The following FAM107B variants were observed in gnomAD, a reference collection of about 807,000 sequenced individuals.
The protein encoded by FAM107B is family with sequence similarity 107 member B.
FAM107B carries 21 observed loss-of-function variants against 31.5 expected under a neutral mutation model. The ratio of observed to expected loss-of-function variants is 0.67; its 90% CI spans 0.47 to 0.96. FAM107B has a LOEUF of 0.96. Ranked by LOEUF, FAM107B falls within the 40% of genes least tolerant of loss-of-function variation. The pLI, the probability that FAM107B is intolerant of heterozygous loss-of-function variation, is 0.00. For missense variants in FAM107B, 452 were observed against 377.1 expected, an observed-to-expected ratio of 1.20 and a Z score of -1.64; for synonymous variants, 157 against 141.5, an observed-to-expected ratio of 1.11 and a Z score of -0.78.
At chr10:14,636,454 C>T (rs552264311) in intron 2 of FAM107B, among the ~76,000 whole-genome samples, 2 of 152,178 alleles carry the variant, frequency 1.3e-5, no homozygotes, top group African/African-American at 2.4e-5. Flanking sequence ...AATAACTCAA[C>T]GTAATGATGT....
chr10:14,570,671 G>A (rs905394166), intron 2 of FAM107B, among the ~76,000 whole-genome samples: 10 of 152,074 alleles, frequency 6.6e-5, no homozygotes, highest in African/African-American at 1.9e-4. Context: ...GCATGGTGGC[G>A]AGTTCCTGTA....
At chr10:14,570,233 GGTGTGTGTGTGTGTGTGT>G (rs57206586) in intron 2 of FAM107B, among the ~76,000 whole-genome samples, 3 of 140,340 alleles carry the variant, frequency 2.1e-5, no homozygotes, top group East Asian at 2.0e-4. Context: ...AAATGTGGTG[GGTGTGTGTGTGTGTGTGT>G]GTGTGTGTGT....
In FAM107B at chr10:14,607,583, C is replaced by T. The variant is rs139492702; in HGVS notation, c.469+60051G>A. Among the ~76,000 whole-genome samples the T allele has an allele frequency of 1.8e-3, 281 of 152,300 alleles. 1 individual carries two copies. Among genetic ancestry groups the T allele is most frequent in the African/African-American group, 6.5e-3 (270 of 41,550 alleles). On this transcript the variant is annotated intron_variant, in intron 2 of 4. Transcript: ENST00000181796. ...TCGTACTTCCCAGGGTTATAACAGG[C>T]AACACCAGACCCTCAGCCCGAGTCT...
intron 1 of FAM107B, among the ~76,000 whole-genome samples, chr10:14,683,738 A>G (rs1183483619): frequency 6.6e-6 from 1 of 152,212 alleles, no homozygotes; most frequent in African/African-American, 2.4e-5. Context: ...ATTTTCCTCT[A>G]CAAGTCCTCT....
chr10:14,647,301 C>T (rs1323262943), intron 2 of FAM107B, among the ~76,000 whole-genome samples: 2 of 152,214 alleles, frequency 1.3e-5, no homozygotes, highest in African/African-American at 4.8e-5. Flanking sequence ...TGTCATTCAT[C>T]ACCACAGTCT....
chr10:14,607,652 G>A (rs1852627900), intron 2 of FAM107B, among the ~76,000 whole-genome samples: 1 of 152,166 alleles, frequency 6.6e-6, no homozygotes, highest in Admixed American at 6.5e-5. Flanking sequence ...CAGGACTCTG[G>A]AAAAAGTCAA....
chr10:14,583,681 C>T (rs1175918782), intron 2 of FAM107B, among the ~76,000 whole-genome samples: 3 of 151,998 alleles, frequency 2.0e-5, no homozygotes, highest in East Asian at 1.9e-4. Context: ...AATCTGGGCA[C>T]GTCCTTGCCA....
chr10:14,690,108 C>T (rs529955291), intron 1 of FAM107B, among the ~76,000 whole-genome samples: 10 of 152,168 alleles, frequency 6.6e-5, no homozygotes, highest in Non-Finnish European at 1.3e-4. Context: ...TGTGACCCAT[C>T]CTTCTCCTCC....
At chr10:14,552,112 T>C (rs138186534) in intron 2 of FAM107B, among the ~76,000 whole-genome samples, 177 of 152,346 alleles carry the variant, frequency 1.2e-3, no homozygotes, top group African/African-American at 4.0e-3. Context: ...GGACGGTCTG[T>C]GTGATCACAT....
At chr10:14,757,057 G>A (rs1832945460) in intron 1 of FAM107B, among the ~76,000 whole-genome samples, 1 of 152,038 alleles carries the variant, frequency 6.6e-6, no homozygotes, top group Admixed American at 6.6e-5. Flanking sequence ...ATGGGTACTA[G>A]GCTTAATACC....
At chr10:14,539,107 C>G (rs1190784614) in intron 2 of FAM107B, among the ~76,000 whole-genome samples, 1 of 152,202 alleles carries the variant, frequency 6.6e-6, no homozygotes, top group Non-Finnish European at 1.5e-5. Flanking sequence ...ACTTAATGTT[C>G]CATCAACATG....
At chr10:14,647,963 A>G (rs1454565498) in intron 2 of FAM107B, among the ~76,000 whole-genome samples, 1 of 151,932 alleles carries the variant, frequency 6.6e-6, no homozygotes, top group Non-Finnish European at 1.5e-5. Context: ...TCTTCTGCGG[A>G]GAAACTGAAA....
At chr10:14,660,721 A>G (rs924397415) in intron 2 of FAM107B, among the ~76,000 whole-genome samples, 8 of 152,348 alleles carry the variant, frequency 5.3e-5, no homozygotes, top group African/African-American at 1.9e-4. Context: ...GCTTATTCTG[A>G]GAGCCATTTG....
chr10:14,690,629 T>C (rs1014112758), intron 1 of FAM107B, among the ~76,000 whole-genome samples: 2 of 152,032 alleles, frequency 1.3e-5, no homozygotes, highest in Non-Finnish European at 1.5e-5. Context: ...ATATTTTGTA[T>C]TTTTAGTAGA....
At chr10:14,667,461 C>G (rs1321832687) in intron 2 of FAM107B, among the ~76,000 whole-genome samples, 173 bp downstream of exon 2, 2 of 152,194 alleles carry the variant, frequency 1.3e-5, no homozygotes, top group African/African-American at 4.8e-5. Flanking sequence ...GCATCACAAC[C>G]AGATTGTCCA....
At chr10:14,648,970 A>G (rs533048093) in intron 2 of FAM107B, among the ~76,000 whole-genome samples, 2 of 152,350 alleles carry the variant, frequency 1.3e-5, no homozygotes, top group African/African-American at 4.8e-5. Context: ...TAATGGTAAC[A>G]CAATGGCAGT....
chr10:14,590,920 C>T (rs1365494562), intron 2 of FAM107B, among the ~76,000 whole-genome samples: 1 of 135,204 alleles, frequency 7.4e-6, no homozygotes. Flanking sequence ...ATCCAGGAGG[C>T]GGAGGTTGCA....
intron 2 of FAM107B, chr10:14,532,501 A>G (rs1847126457): frequency 6.6e-6 from 1 of 152,234 alleles, no homozygotes; most frequent in African/African-American, 2.4e-5. Flanking sequence ...ATAATAAATT[A>G]CACCAAACAT....
At chr10:14,769,659 T>A (rs1183283740) in intron 1 of FAM107B, among the ~76,000 whole-genome samples, 1 of 152,186 alleles carries the variant, frequency 6.6e-6, no homozygotes, top group African/African-American at 2.4e-5. Flanking sequence ...GTGTTTGGAT[T>A]ACAGGCGTGA....
Sources: allele counts gnomAD v4.1 joint callset (sites outside exome capture counted in the v4.1 genomes callset), GRCh38; gene constraint gnomAD v4.1.1; transcripts MANE v1.5; gene names NCBI Gene and HGNC (gene_info 2026-07-23, HGNC 2026-07-21).